PTPN2: variants seen among roughly 807,000 people sequenced by gnomAD.
The protein encoded by PTPN2 is protein tyrosine phosphatase non-receptor type 2.
A neutral mutation model predicts 57.3 loss-of-function variants in PTPN2; 19 were observed. That is an observed-to-expected ratio of 0.33 (90% CI 0.23 to 0.49). The LOEUF (loss-of-function observed/expected upper bound fraction) is 0.49, where lower values mean the gene tolerates loss of function less well. Among genes scored for constraint, PTPN2 ranks in the 20% least tolerant of loss-of-function variants. The probability of loss-of-function intolerance (pLI) is 0.99; values close to 1 mark genes in which losing one functional copy is unlikely to be tolerated. For missense variants in PTPN2, 358 were observed against 501.1 expected (o/e 0.71, Z 2.73); for synonymous variants, 153 against 164.9 (o/e 0.93, Z 0.55).
chr18:12,827,371 A>G (rs1197604320), intron 4 of PTPN2, among the ~76,000 whole-genome samples: 1 of 147,070 alleles, frequency 6.8e-6, no homozygotes, highest in East Asian at 2.0e-4. Flanking sequence ...TAATAATAAT[A>G]ATGCCTTAAG....
intron 1 of PTPN2, among the ~76,000 whole-genome samples, chr18:12,864,521 G>A (rs987473348): frequency 1.3e-5 from 2 of 151,314 alleles, no homozygotes; most frequent in Non-Finnish European, 2.9e-5. Context: ...TCAGCCTCCC[G>A]AGTAGCTGGG....
downstream of PTPN2, among the ~76,000 whole-genome samples, chr18:12,790,538 C>A (rs1169283911): frequency 6.6e-6 from 1 of 152,160 alleles, no homozygotes; most frequent in Non-Finnish European, 1.5e-5. Flanking sequence ...ATGCCAGTTT[C>A]AGGCTAACAA....
chr18:12,878,203 G>T (rs1358850285), intron 1 of PTPN2, among the ~76,000 whole-genome samples: 3 of 151,888 alleles, frequency 2.0e-5, no homozygotes, highest in African/African-American at 7.3e-5. Flanking sequence ...GCCAGGCCCA[G>T]CTACGTGGGG....
chr18:12,841,409 C>T (rs547093683), intron 2 of PTPN2, among the ~76,000 whole-genome samples: 32 of 152,314 alleles, frequency 2.1e-4, no homozygotes, highest in Non-Finnish European at 4.6e-4. Flanking sequence ...GAAAATAACT[C>T]TCAGCAGCAT....
In PTPN2 at chr18:12,798,889, T is replaced by G. The variant is rs539137058; in HGVS notation, c.1040+3081A>C. Among the ~76,000 whole-genome samples, 28 of 152,322 alleles carry G rather than the reference T, an allele frequency of 1.8e-4. No individual in the cohort carries two copies. In the South Asian group the frequency reaches 4.4e-3, roughly 24 times the overall value. On this transcript the variant is annotated intron_variant, in intron 8 of 8. Transcript: ENST00000309660. ...ACTCCCACCAACAGTGTTTAAGCAT[T>G]CCTTTTTCTCCACAACCTCGCCAGC... is the stretch of plus-strand genomic sequence containing the variant.
chr18:12,825,686 T>G, intron 5 of PTPN2, 124 bp downstream of exon 5: 1 of 836,190 alleles, frequency 1.2e-6, no homozygotes, highest in Non-Finnish European at 1.7e-6. Flanking sequence ...AAACACGTGA[T>G]TATGGCTAGA....
chr18:12,868,758 C>T (rs889027474), intron 1 of PTPN2, among the ~76,000 whole-genome samples: 3 of 151,124 alleles, frequency 2.0e-5, no homozygotes, highest in Non-Finnish European at 4.4e-5. Context: ...CCGCTTCAGC[C>T]TCCCCAAGTG....
In PTPN2 at chr18:12,858,950, A is replaced by T. The variant is rs552423850; in HGVS notation, c.160+214T>A. 2.6e-5 allele frequency among the ~76,000 whole-genome samples: 4 copies of T among 152,358 alleles called. No individual in the cohort carries two copies. In the South Asian group the frequency reaches 8.3e-4, roughly 32 times the overall value. On this transcript the variant is annotated intron_variant, in intron 2 of 8. Coordinates refer to ENST00000309660, the MANE Select transcript of PTPN2 (RefSeq NM_002828.4). The stretch of plus-strand genomic sequence containing the variant: ...CAGGTTGTGGGAAATACACCAAAAT[A>T]ATGGTGCCTATGTTTGAAGGATGAA...
chr18:12,848,427 A>G (rs1450176464), intron 2 of PTPN2, among the ~76,000 whole-genome samples: 1 of 152,230 alleles, frequency 6.6e-6, no homozygotes, highest in African/African-American at 2.4e-5. Context: ...CTCCTTGAAC[A>G]TGCATGGCCT....
At chr18:12,808,040 A>G (rs906308234) in intron 7 of PTPN2, among the ~76,000 whole-genome samples, 7 of 151,862 alleles carry the variant, frequency 4.6e-5, no homozygotes, top group African/African-American at 1.7e-4. Flanking sequence ...AAAATTAGCC[A>G]TATGTGGTGG....
intron 4 of PTPN2, among the ~76,000 whole-genome samples, chr18:12,826,829 A>G (rs560354241): frequency 1.3e-5 from 2 of 152,136 alleles, no homozygotes; most frequent in East Asian, 2.0e-4. Flanking sequence ...TCAGCCTCCC[A>G]AAGTGCTGGG....
intron 5 of PTPN2, among the ~76,000 whole-genome samples, chr18:12,820,723 C>A (rs577811927): frequency 8.5e-5 from 13 of 152,312 alleles, no homozygotes; most frequent in African/African-American, 3.1e-4. Flanking sequence ...CGGGTTGCAC[C>A]CACAATTATA....
intron 1 of PTPN2, among the ~76,000 whole-genome samples, chr18:12,869,867 T>A (rs1211173277): frequency 1.3e-5 from 2 of 152,178 alleles, no homozygotes; most frequent in Admixed American, 6.5e-5. Context: ...TGTTTGTGCA[T>A]ATACTCTCTA....
chr18:12,873,101 G>C (rs2044323904), intron 1 of PTPN2, among the ~76,000 whole-genome samples: 1 of 151,996 alleles, frequency 6.6e-6, no homozygotes. Flanking sequence ...CATGCCTGTA[G>C]TCCCTGCTAC....
At chr18:12,878,319 A>G (rs1023806968) in intron 1 of PTPN2, among the ~76,000 whole-genome samples, 1 of 151,924 alleles carries the variant, frequency 6.6e-6, no homozygotes, top group African/African-American at 2.4e-5. Flanking sequence ...CCAGTCTCAA[A>G]AAGAAAAGAA....
chr18:12,795,879 T>C (rs867188198), intron 8 of PTPN2, among the ~76,000 whole-genome samples: 1 of 152,112 alleles, frequency 6.6e-6, no homozygotes, highest in Non-Finnish European at 1.5e-5. Flanking sequence ...AAATTAAATA[T>C]TATTGCCATG....
chr18:12,873,992 G>A (rs969848336), intron 1 of PTPN2, among the ~76,000 whole-genome samples: 3 of 150,958 alleles, frequency 2.0e-5, no homozygotes, highest in African/African-American at 7.3e-5. Context: ...ATCTGAGAAG[G>A]GAGGAGACCC....
chr18:12,846,043 C>T (rs1300148503), intron 2 of PTPN2, among the ~76,000 whole-genome samples: 1 of 152,124 alleles, frequency 6.6e-6, no homozygotes, highest in Non-Finnish European at 1.5e-5. Flanking sequence ...TATAGTGTTC[C>T]TCCATTTGAG....
At chr18:12,824,311 C>G (rs191898980) in intron 5 of PTPN2, among the ~76,000 whole-genome samples, 12 of 152,246 alleles carry the variant, frequency 7.9e-5, no homozygotes, top group Non-Finnish European at 1.5e-4. Flanking sequence ...GGAAGCTGGA[C>G]AGAAGGAAAA....
Sources: allele counts gnomAD v4.1 joint callset (sites outside exome capture counted in the v4.1 genomes callset), GRCh38; gene constraint gnomAD v4.1.1; transcripts MANE v1.5; gene names NCBI Gene and HGNC (gene_info 2026-07-23, HGNC 2026-07-21).